The following NOMO2 variants were observed in gnomAD, a reference collection of about 807,000 sequenced individuals.
NOMO2 encodes BOS complex subunit NOMO2.
In NOMO2, 14 loss-of-function variants were observed where a neutral mutation model predicts 67.1. That is an observed-to-expected ratio of 0.21 (90% confidence interval 0.14 to 0.33). The LOEUF (loss-of-function observed/expected upper bound fraction) is 0.33. Ranked by LOEUF, NOMO2 falls within the 10% of genes least tolerant of loss-of-function variation. NOMO2 has a pLI of 1.00. For missense variants in NOMO2, 178 were observed against 761.0 expected (o/e 0.23, Z 9.01); for synonymous variants, 80 against 305.9 (o/e 0.26, Z 7.71).
intron 15 of NOMO2, among the ~76,000 whole-genome samples, chr16:18,528,992 CATATATATATAT>C (rs60355905): frequency 0.091 from 1,118 of 12,328 alleles, 117 homozygotes; most frequent in East Asian, 0.13. Context: ...AAAAAAAATA[CATATATATATAT>C]ATATATATAT....
chr16:18,539,476 G>C (rs1312646857), intron 9 of NOMO2, among the ~76,000 whole-genome samples: 4 of 151,328 alleles, frequency 2.6e-5, no homozygotes, highest in Non-Finnish European at 5.9e-5. Flanking sequence ...ATCCACCTAG[G>C]CCAGGCGCAG....
At chr16:18,541,914 TC>T (rs1435905305) in intron 9 of NOMO2, among the ~76,000 whole-genome samples, 1 of 107,062 alleles carries the variant, frequency 9.3e-6, no homozygotes, top group Non-Finnish European at 1.9e-5. Context: ...CACTGCTATA[TC>T]CCCAGTCCTG....
rs1350238797 is a variant in NOMO2, at chr16:18,535,900, G to A, written c.1220+2626C>T. 8.6e-5 allele frequency among the ~76,000 whole-genome samples: 13 copies of A among 151,806 alleles called. 1 individual carries two copies. Among genetic ancestry groups the A allele is most frequent in the African/African-American group, 2.7e-4 (11 of 41,362 alleles). On this transcript the variant is annotated intron_variant, in intron 11 of 30. Transcript: ENST00000622306. ...CAACCCCTGCCTCTCGGATTCAAGC[G>A]ATTCTCCTGCCTCAGCCTCCTGAGT...
intron 11 of NOMO2, among the ~76,000 whole-genome samples, chr16:18,536,719 TTTGA>T (rs1901432254): frequency 6.6e-6 from 1 of 152,190 alleles, no homozygotes; most frequent in African/African-American, 2.4e-5. Flanking sequence ...GGAACACTAG[TTTGA>T]TTAATTATTA....
At position 18,531,671 on chromosome 16, in the gene NOMO2, G is replaced by A. The variant is rs1411447587; in HGVS notation, c.1396-64C>T. On this transcript the variant is annotated intron_variant, in intron 12 of 30. Transcript: ENST00000622306. ...GGGAGATCTTCCCCCTGACCTACAG[G>A]GCGCTAGAACATTCATCTGGGACTA... 25 of 1,606,142 alleles carry A rather than the reference G, an allele frequency of 1.6e-5. 2 individuals are homozygous for A. Among genetic ancestry groups the A allele is most frequent in the Admixed American group, 5.2e-5 (3 of 58,172 alleles).
At chr16:18,557,428 CT>C (rs1356019400) in intron 2 of NOMO2, among the ~76,000 whole-genome samples, 9 of 151,346 alleles carry the variant, frequency 5.9e-5, no homozygotes, top group Admixed American at 5.3e-4. Flanking sequence ...CGCCTGGCCA[CT>C]ACTCACTGGG....
At chr16:18,534,245 A>G (rs533194060) in intron 11 of NOMO2, among the ~76,000 whole-genome samples, 2 of 151,984 alleles carry the variant, frequency 1.3e-5, no homozygotes, top group South Asian at 4.2e-4. Flanking sequence ...TATCTCCAGC[A>G]TGGGTCAGCA....
At position 18,528,812 on chromosome 16, in the gene NOMO2, G is replaced by C. The variant is rs1901211780; in HGVS notation, c.1806+689C>G. ...CTCTAACAAAAATACAAAAAAAAAA[G>C]AAAAAAAAAGCTGAGCATGGCGGCA... On this transcript the variant is annotated intron_variant, in intron 15 of 30. Transcript: ENST00000622306. Among the ~76,000 whole-genome samples the C allele has an allele frequency of 4.1e-5, 6 of 147,768 alleles. 1 individual carries two copies. The South Asian group carries it at 1.3e-3, about 32-fold the overall frequency.
At chr16:18,554,386 T>C (rs1465472784) in intron 3 of NOMO2, among the ~76,000 whole-genome samples, 1 of 151,866 alleles carries the variant, frequency 6.6e-6, no homozygotes, top group East Asian at 1.9e-4. Flanking sequence ...TCATGGGACA[T>C]AAATCTGGAT....
intron 12 of NOMO2, 93 bp from the exon 13 acceptor site, chr16:18,531,700 C>A: frequency 2.5e-6 from 4 of 1,573,164 alleles, no homozygotes; most frequent in Non-Finnish European, 3.4e-6. Context: ...GGGACTAAGG[C>A]TAAAGAGATT....
chr16:18,552,783 CT>C (rs1196891217), intron 3 of NOMO2, among the ~76,000 whole-genome samples: 2 of 151,986 alleles, frequency 1.3e-5, no homozygotes, highest in Non-Finnish European at 2.9e-5. Flanking sequence ...TTGCAAACAC[CT>C]AAAGCTGAGC....
intron 11 of NOMO2, among the ~76,000 whole-genome samples, chr16:18,535,970 G>A (rs1385525287): frequency 1.3e-5 from 2 of 151,882 alleles, no homozygotes; most frequent in African/African-American, 4.8e-5. Context: ...CCAACCTTTT[G>A]TATCTTTAGT....
intron 6 of NOMO2, among the ~76,000 whole-genome samples, chr16:18,544,856 A>G (rs1217335375): frequency 1.3e-5 from 2 of 151,866 alleles, no homozygotes; most frequent in African/African-American, 4.8e-5. Flanking sequence ...GCTTGTCACA[A>G]ATTGGGCACT....
At chr16:18,556,542 A>C (rs1901908167) in intron 2 of NOMO2, among the ~76,000 whole-genome samples, 1 of 151,518 alleles carries the variant, frequency 6.6e-6, no homozygotes, top group African/African-American at 2.4e-5. Context: ...GCATTAACAC[A>C]GGGGAAAAAA....
At chr16:18,535,312 G>A (rs2141726848) in intron 11 of NOMO2, among the ~76,000 whole-genome samples, 2 of 151,654 alleles carry the variant, frequency 1.3e-5, no homozygotes, top group Admixed American at 1.3e-4. Context: ...GTAAGACCCT[G>A]TCTCAAAAAA....
Position 18,536,633 on chromosome 16 carries a change from G to T in NOMO2, c.1220+1893C>A, listed in dbSNP as rs556208696. ...CCCAAAGTGCTGGGATGGATTACAG[G>T]TGTGAGGCATTAAGCCTGGCCACAG... is the stretch of plus-strand genomic sequence containing the variant. On this transcript the variant is annotated intron_variant, in intron 11 of 30. Transcript: ENST00000622306. Among the ~76,000 whole-genome samples the T allele has an allele frequency of 3.9e-4, 59 of 152,194 alleles. 1 individual carries two copies. Among genetic ancestry groups the T allele is most frequent in the Admixed American group, 8.5e-4 (13 of 15,288 alleles).
intron 4 of NOMO2, among the ~76,000 whole-genome samples, chr16:18,550,587 C>T (rs1213080258): frequency 6.6e-6 from 1 of 151,980 alleles, no homozygotes; most frequent in African/African-American, 2.4e-5. Flanking sequence ...ACCTCAGGCA[C>T]AGGGCGGGTG....
chr16:18,529,668 T>C lies in NOMO2; in HGVS notation c.1670-31A>G, dbSNP rs1375982459. 1.7e-5 allele frequency: 25 copies of C among 1,505,460 alleles called. No homozygotes were observed. In the Middle Eastern group the frequency reaches 9.5e-4, roughly 57 times the overall value. The allele number at this position is 1,505,460 out of a possible 1,614,324, so 93.3% of individuals were successfully genotyped here. On this transcript the variant is annotated intron_variant, in intron 14 of 30. Transcript: ENST00000622306. Reference sequence around the variant, plus strand: ...AAAGCAAACACCAAAAACGGATACATGGGCGTGGAGCACACCACCTCCCTG... The same window carrying C: ...AAAGCAAACACCAAAAACGGATACACGGGCGTGGAGCACACCACCTCCCTG...
intron 15 of NOMO2, among the ~76,000 whole-genome samples, chr16:18,529,173 G>A (rs1438341089): frequency 1.3e-5 from 2 of 148,972 alleles, no homozygotes; most frequent in African/African-American, 4.9e-5. Context: ...GAAAACTGAG[G>A]CTGAGAAGCA....
Sources: allele counts gnomAD v4.1 joint callset (sites outside exome capture counted in the v4.1 genomes callset), GRCh38; gene constraint gnomAD v4.1.1; transcripts MANE v1.5; gene names NCBI Gene and HGNC (gene_info 2026-07-23, HGNC 2026-07-21).